The following URB1 variants were observed in gnomAD, a reference collection of about 807,000 sequenced individuals.
URB1 encodes the protein nucleolar pre-ribosomal-associated protein 1.
URB1 carries 197 observed loss-of-function variants against 242.3 expected under a neutral mutation model. The ratio of observed to expected loss-of-function variants is 0.81; its 90% confidence interval spans 0.72 to 0.91. The LOEUF (loss-of-function observed/expected upper bound fraction) is 0.91. Among genes scored for constraint, URB1 ranks in the 40% least tolerant of loss-of-function variants. The pLI is 0.00. For synonymous variants in URB1, 1,153 were observed against 1,201.8 expected (o/e 0.96, Z 0.84); for missense variants, 2,721 against 2,860.5 (o/e 0.95, Z 1.11).
intron 38 of URB1, 84 bp from the exon 39 acceptor site, chr21:32,315,183 TTGCCAAG>T: frequency 3.6e-6 from 5 of 1,370,350 alleles, no homozygotes; most frequent in Non-Finnish European, 4.8e-6. Context: ...TGCAACGGCT[TTGCCAAG>T]TGCCCAAATG....
intron 33 of URB1, 35 bp downstream of exon 33, chr21:32,322,443 G>T: frequency 6.7e-7 from 1 of 1,503,690 alleles, no homozygotes; most frequent in Non-Finnish European, 9.1e-7. Flanking sequence ...CAATTCAGGG[G>T]CCTGCAGAAA....
intron 9 of URB1, 77 bp from the exon 10 acceptor site, chr21:32,366,832 G>A (rs898288976): frequency 6.9e-7 from 1 of 1,453,034 alleles, no homozygotes; most frequent in Non-Finnish European, 9.3e-7. Flanking sequence ...GGCACCCAAA[G>A]GTGAAGCCAT....
rs943536944 is a variant in URB1 at position 32,337,353 on chromosome 21, C to T, written c.4621+51G>A. On this transcript the variant is annotated intron_variant, in intron 27 of 38. Transcript: ENST00000382751. The stretch of plus-strand genomic sequence containing the variant: ...CATTCCCTATCTCTGCTCACACCCC[C>T]GGCCCTCACTCCCTCCCCCTGCTCA... The T allele has an allele frequency of 8.0e-6, 12 of 1,493,060 alleles. No individual in the cohort carries two copies. In the African/African-American group the frequency reaches 8.3e-5, roughly 10 times the overall value. 92.5% of individuals were successfully genotyped at this position (1,493,060 alleles called of 1,614,324 possible).
intron 22 of URB1, among the ~76,000 whole-genome samples, 181 bp downstream of exon 22, chr21:32,346,775 G>A (rs2033090543): frequency 6.6e-6 from 1 of 152,216 alleles, no homozygotes; most frequent in African/African-American, 2.4e-5. Flanking sequence ...GAGACTGAAG[G>A]GAGACAGGGT....
rs2032655735 is a variant in URB1, at chr21:32,314,864, G to A, written c.*54C>T. 7.2e-6 allele frequency: 11 copies of A among 1,525,950 alleles called. No individual in the cohort carries two copies. The highest frequency in any genetic ancestry group is 2.5e-5 in the South Asian group (2 of 80,906). The allele number at this position is 1,525,950 out of a possible 1,614,324, so 94.5% of individuals were successfully genotyped here. A position where few individuals can be genotyped will look rare whatever the true frequency, so the allele number is the denominator to read the frequency against. ...TGACTCAACCAAACTTCTAGAAGCT[G>A]GTGCTGTGCTCGAGGCTCTGGTCAT... is the stretch of plus-strand genomic sequence containing the variant. On this transcript the variant is annotated 3_prime_UTR_variant, in exon 39 of 39. Coordinates refer to ENST00000382751, the MANE Select transcript of URB1 (RefSeq NM_014825.3).
Position 32,385,589 on chromosome 21 carries a change from C to G in URB1, c.238G>C (p.Glu80Gln). ...GYIKISVECV[E>Q]IFQLLSGEKR... Reference sequence around the variant, plus strand: ...TCTCCACTTAGGAGCTGGAAAATTTCGACACACTCAACAGAAATCTTTATA... The same window carrying G: ...TCTCCACTTAGGAGCTGGAAAATTTGGACACACTCAACAGAAATCTTTATA... Residue 80 changes from glutamate to glutamine, a missense_variant, in exon 2 of 39, where the codon GAA (glutamate) becomes CAA (glutamine). Coordinates refer to ENST00000382751, the MANE Select transcript of URB1 (RefSeq NM_014825.3). 6.4e-7 allele frequency: 1 copy of G among 1,552,024 alleles called. No individual in the cohort carries two copies. The highest frequency in any genetic ancestry group is 8.7e-7 in the Non-Finnish European group (1 of 1,147,058).
At chr21:32,338,444 T>C (rs2032988042) in intron 26 of URB1, among the ~76,000 whole-genome samples, 1 of 152,196 alleles carries the variant, frequency 6.6e-6, no homozygotes, top group Non-Finnish European at 1.5e-5. Context: ...CATGAGCCCA[T>C]GATAACGGCA....
chr21:32,374,913 T>C (rs1312213730), intron 6 of URB1, among the ~76,000 whole-genome samples: 4 of 152,240 alleles, frequency 2.6e-5, no homozygotes, highest in African/African-American at 7.2e-5. Context: ...TCTGGACAAC[T>C]TGTCATGTTG....
chr21:32,330,206 T>G (rs769861770), intron 30 of URB1, among the ~76,000 whole-genome samples: 150 of 150,282 alleles, frequency 1.0e-3, no homozygotes, highest in Non-Finnish European at 2.0e-3. Flanking sequence ...TGTTTTTTTT[T>G]TTTTTTTTTT....
chr21:32,336,512 T>C (rs926578980), intron 28 of URB1, among the ~76,000 whole-genome samples: 99 of 152,292 alleles, frequency 6.5e-4, no homozygotes, highest in African/African-American at 2.2e-3. Context: ...AGCTCCTGCT[T>C]AGGTGCGGCA....
chr21:32,372,702 C>G (rs960553351), intron 7 of URB1, 71 bp from the exon 8 acceptor site: 2 of 1,464,648 alleles, frequency 1.4e-6, no homozygotes, highest in African/African-American at 1.4e-5. Context: ...AGAGTAAAAA[C>G]AAGGACAATA....
chr21:32,369,402 G>A (rs2033382775), intron 8 of URB1, among the ~76,000 whole-genome samples: 1 of 152,138 alleles, frequency 6.6e-6, no homozygotes, highest in African/African-American at 2.4e-5. Context: ...GTGAGTGTGA[G>A]TGTAAAAAAA....
chr21:32,331,492 A>G (rs1415524548), intron 30 of URB1, among the ~76,000 whole-genome samples: 1 of 152,224 alleles, frequency 6.6e-6, no homozygotes, highest in Non-Finnish European at 1.5e-5. Context: ...TGGAAGGTAG[A>G]AAGAAAGCAG....
chr21:32,364,331 C>T (rs2033321858), intron 10 of URB1, among the ~76,000 whole-genome samples: 1 of 152,090 alleles, frequency 6.6e-6, no homozygotes. Flanking sequence ...AAGCCCAGGC[C>T]CCGGCCCACA....
intron 4 of URB1, 133 bp from the exon 5 acceptor site, chr21:32,378,674 G>T (rs1000914968): frequency 1.4e-6 from 1 of 725,676 alleles, no homozygotes; most frequent in Non-Finnish European, 2.4e-6. Context: ...CAGTCACCAG[G>T]GGATGCAAGT....
chr21:32,351,011 G>T, intron 19 of URB1, 89 bp from the exon 20 acceptor site: 1 of 1,317,180 alleles, frequency 7.6e-7, no homozygotes, highest in Non-Finnish European at 1.0e-6. Flanking sequence ...ACAACAAACG[G>T]ACATTTCACA....
chr21:32,360,093 T>C (rs1388132825), intron 13 of URB1, among the ~76,000 whole-genome samples, 185 bp from the exon 14 acceptor site: 1 of 152,182 alleles, frequency 6.6e-6, no homozygotes, highest in Non-Finnish European at 1.5e-5. Context: ...CCCCACGCCC[T>C]GGTCTGTCCA....
chr21:32,353,418 C>A (rs2033181371), intron 18 of URB1, among the ~76,000 whole-genome samples: 6 of 152,194 alleles, frequency 3.9e-5, no homozygotes, highest in Admixed American at 3.9e-4. Flanking sequence ...GGACAGCCAA[C>A]CAGAAGAGCC....
In URB1 at chr21:32,337,665, C is replaced by T. The variant is rs556980588; in HGVS notation, c.4511-151G>A. Among the ~76,000 whole-genome samples the T allele has an allele frequency of 1.7e-4, 26 of 152,072 alleles. No individual in the cohort carries two copies. In the East Asian group the frequency reaches 5.0e-3, roughly 29 times the overall value. ...TTGGACTGCCATCTAATCCCTTCCC[C>T]GCTTATTTTTTTGTTATTATTATTT... is the stretch of plus-strand genomic sequence containing the variant. On this transcript the variant is annotated intron_variant, in intron 26 of 38. Transcript: ENST00000382751.
Sources: gnomAD v4.1 joint callset for allele counts (sites outside exome capture counted in the v4.1 genomes callset) on GRCh38, gnomAD v4.1.1 for gene constraint, MANE v1.5 for transcripts, NCBI Gene and HGNC (gene_info 2026-07-23, HGNC 2026-07-21) for gene names.